Variants in SLF2 observed in about 807,000 individuals in gnomAD.
The protein encoded by SLF2 is SMC5/6 complex localization factor 2.
Under a neutral mutation model 124.3 loss-of-function variants are expected in SLF2, and 68 were observed. The ratio of observed to expected loss-of-function variants is 0.55; its 90% CI spans 0.45 to 0.67. The LOEUF (loss-of-function observed/expected upper bound fraction) is 0.67. Among genes scored for constraint, SLF2 ranks in the 30% least tolerant of loss-of-function variants. SLF2 has a pLI of 0.00. For synonymous variants in SLF2, 480 were observed against 478.8 expected (o/e 1.00, Z -0.03); for missense variants, 1,246 against 1,373.7 (o/e 0.91, Z 1.47).
chr10:100,955,486 C>T (rs1023997163), intron 17 of SLF2, among the ~76,000 whole-genome samples: 1 of 152,128 alleles, frequency 6.6e-6, no homozygotes, highest in South Asian at 2.1e-4. Context: ...GCTAGCGAGT[C>T]GCAGTGGCTC....
intron 9 of SLF2, among the ~76,000 whole-genome samples, chr10:100,937,160 G>A (rs765406322): frequency 1.8e-4 from 28 of 152,044 alleles, no homozygotes; most frequent in Middle Eastern, 3.4e-3. Context: ...ACAGGTGTGC[G>A]CCACCACACC....
At chr10:100,932,146 C>T (rs934470398) in intron 9 of SLF2, among the ~76,000 whole-genome samples, 14 of 151,710 alleles carry the variant, frequency 9.2e-5, no homozygotes, top group Admixed American at 7.9e-4. Flanking sequence ...AGTTATTCTT[C>T]GCAGTGGCTC....
chr10:100,936,995 T>C (rs1414708249), intron 9 of SLF2, among the ~76,000 whole-genome samples: 1 of 152,210 alleles, frequency 6.6e-6, no homozygotes, highest in Non-Finnish European at 1.5e-5. Context: ...TGCTCATATG[T>C]GTAATGAGTA....
chr10:100,947,688 T>C (rs1416321444), intron 14 of SLF2, 72 bp from the exon 15 acceptor site: 5 of 1,042,826 alleles, frequency 4.8e-6, no homozygotes, highest in Non-Finnish European at 7.3e-6. Flanking sequence ...GAGCTCCTCT[T>C]GGCTCATTCA....
At chr10:100,913,561 A>G (rs1564767563) in intron 1 of SLF2, 4 of 1,216,666 alleles carry the variant, frequency 3.3e-6, no homozygotes, top group Non-Finnish European at 4.1e-6. Context: ...TAACTGCTTA[A>G]TGCATATTTA....
chr10:100,935,090 A>C (rs1361316369), intron 9 of SLF2, among the ~76,000 whole-genome samples: 1 of 151,840 alleles, frequency 6.6e-6, no homozygotes, highest in Non-Finnish European at 1.5e-5. Context: ...TTCCCAAAAA[A>C]TTGTCTTGTA....
chr10:100,917,525 A>G (rs1849440895), intron 3 of SLF2, among the ~76,000 whole-genome samples: 2 of 152,174 alleles, frequency 1.3e-5, no homozygotes, highest in African/African-American at 4.8e-5. Context: ...GACTGGGAAC[A>G]AAGATCTTTT....
At chr10:100,940,898 C>T (rs1178783891) in intron 11 of SLF2, among the ~76,000 whole-genome samples, 2 of 149,720 alleles carry the variant, frequency 1.3e-5, no homozygotes, top group South Asian at 2.1e-4. Flanking sequence ...TGCAGTGGCA[C>T]GGTTATGGGT....
chr10:100,943,799 T>G (rs146733651), intron 11 of SLF2: 212 of 391,372 alleles, frequency 5.4e-4, no homozygotes, highest in African/African-American at 3.9e-3. Context: ...TGACTTGGAT[T>G]TGGCATAAAG....
Position 100,961,962 on chromosome 10 carries a change from C to A in SLF2, c.*50C>A. ...GAACCAAGAGAAATTCAATAAGAGC[C>A]TTTCATAGAGGAGTAGAAAGGATTA... is the stretch of plus-strand genomic sequence containing the variant. On this transcript the variant is annotated 3_prime_UTR_variant, in exon 20 of 20. Transcript: ENST00000238961. 6.5e-7 allele frequency: 1 copy of A among 1,533,830 alleles called. No homozygotes were observed. The highest frequency in any genetic ancestry group is 9.0e-7 in the Non-Finnish European group (1 of 1,116,000).
intron 17 of SLF2, among the ~76,000 whole-genome samples, chr10:100,952,830 T>G (rs531616217): frequency 6.6e-6 from 1 of 151,290 alleles, no homozygotes; most frequent in East Asian, 2.0e-4. Context: ...TCCCAGCTAC[T>G]GGGGAGCCTG....
chr10:100,940,985 C>T (rs182532428), intron 11 of SLF2, among the ~76,000 whole-genome samples: 59 of 151,112 alleles, frequency 3.9e-4, no homozygotes, highest in African/African-American at 6.6e-4. Context: ...TACAGACACA[C>T]GCCACCATGC....
chr10:100,919,692 A>G (rs1849491416), intron 4 of SLF2, among the ~76,000 whole-genome samples: 1 of 152,258 alleles, frequency 6.6e-6, no homozygotes, highest in Admixed American at 6.5e-5. Flanking sequence ...GTGACTATAC[A>G]TTTTGAAAAA....
Position 100,916,558 on chromosome 10 carries a change from T to C in SLF2, c.185-12T>C, listed in dbSNP as rs1849417143. On this transcript the variant is annotated splice_polypyrimidine_tract_variant and intron_variant, in intron 2 of 19. Coordinates refer to ENST00000238961, the MANE Select transcript of SLF2 (RefSeq NM_018121.4). ...AACATGCAATTTGTATGTGTTTTAATTGGCTATTTAGACAGACACATGTTG... is the reference window on the plus strand; with the variant it reads ...AACATGCAATTTGTATGTGTTTTAACTGGCTATTTAGACAGACACATGTTG... 7.5e-7 allele frequency: 1 copy of C among 1,325,480 alleles called. No individual in the cohort carries two copies. Among genetic ancestry groups the C allele is most frequent in the Non-Finnish European group, 9.7e-7 (1 of 1,029,684 alleles). 82.1% of individuals were successfully genotyped at this position (1,325,480 alleles called of 1,614,324 possible).
At chr10:100,940,526 A>G (rs949885145) in intron 11 of SLF2, among the ~76,000 whole-genome samples, 4 of 151,906 alleles carry the variant, frequency 2.6e-5, no homozygotes, top group South Asian at 2.1e-4. Flanking sequence ...CGCCCAGCTA[A>G]TATTTTTTTA....
intron 6 of SLF2, chr10:100,926,440 C>CA (rs2133772401): frequency 3.3e-6 from 2 of 599,020 alleles, no homozygotes; most frequent in Middle Eastern, 4.5e-4. Context: ...CCCATCTCTA[C>CA]AAAAAATACA....
chr10:100,951,245 G>T (rs892332498), intron 17 of SLF2, among the ~76,000 whole-genome samples: 2 of 152,064 alleles, frequency 1.3e-5, no homozygotes, highest in Non-Finnish European at 2.9e-5. Flanking sequence ...CTCCATCTCA[G>T]AAAAAAGAAG....
At chr10:100,913,604 T>G in intron 1 of SLF2, 1 of 1,143,852 alleles carries the variant, frequency 8.7e-7, no homozygotes. Context: ...GTTCTACTGA[T>G]CCTAGTGGTT....
rs1850477691 is a variant in SLF2 at position 100,964,586 on chromosome 10, G to A, written c.*2674G>A. On this transcript the variant is annotated 3_prime_UTR_variant, in exon 20 of 20. Transcript: ENST00000238961. ...GTTTGCATTTTGTTTCTGCTTTCAA[G>A]CGCAAATAGTAGCTTGCTTTCAGCT... The A allele has an allele frequency of 6.6e-6, 1 of 152,590 alleles. No individual in the cohort carries two copies. The highest frequency in any genetic ancestry group is 1.5e-5 in the Non-Finnish European group (1 of 68,030). The allele number at this position is 152,590 out of a possible 1,614,324, so 9.5% of individuals were successfully genotyped here.
Sources: allele counts gnomAD v4.1 joint callset (sites outside exome capture counted in the v4.1 genomes callset), GRCh38; gene constraint gnomAD v4.1.1; transcripts MANE v1.5; gene names NCBI Gene and HGNC (gene_info 2026-07-23, HGNC 2026-07-21).